The following KCNMB4 variants were observed in gnomAD, a reference collection of about 807,000 sequenced individuals.
KCNMB4 encodes potassium calcium-activated channel subfamily M regulatory beta subunit 4.
A neutral mutation model predicts 20.7 loss-of-function variants in KCNMB4; 3 were observed. The observed-to-expected ratio is 0.14, with a 90% CI of 0.07 to 0.37. The LOEUF (loss-of-function observed/expected upper bound fraction) is 0.37, where lower values mean the gene tolerates loss of function less well. KCNMB4 is among the 10% of genes least tolerant of loss of function. The pLI is 1.00. For synonymous variants in KCNMB4, 110 were observed against 113.4 expected, an observed-to-expected ratio of 0.97 and a Z score of 0.19; for missense variants, 168 against 265.9, an observed-to-expected ratio of 0.63 and a Z score of 2.56.
chr12:70,430,683 A>G lies in KCNMB4; in HGVS notation c.*30A>G. On this transcript the variant is annotated 3_prime_UTR_variant, in exon 3 of 3. Transcript: ENST00000258111. ...GAAGGAGGCTTGTAGAAAGCAAAGT[A>G]CAGAAGCTGTACTCATCGGCACGCG... 1 of 1,587,168 alleles carries G rather than the reference A, an allele frequency of 6.3e-7. No individual in the cohort carries two copies. Among genetic ancestry groups the G allele is most frequent in the South Asian group, 1.2e-5 (1 of 86,198 alleles).
At chr12:70,430,038 C>CT (rs66539156) in intron 2 of KCNMB4, among the ~76,000 whole-genome samples, 52,028 of 146,966 alleles carry the variant, frequency 0.35, 9,311 homozygotes, top group East Asian at 0.54. Flanking sequence ...TTTAACTGAC[C>CT]TTTTTTTTTT....
Position 70,367,010 on chromosome 12 carries a change from T to A in KCNMB4, c.276T>A (p.Ser92=). 6.3e-7 allele frequency: 1 copy of A among 1,592,800 alleles called. No individual in the cohort carries two copies. The change falls in exon 1 of 3, where the codon TCT becomes TCA. Residue 92 remains serine, a synonymous_variant. Transcript: ENST00000258111. ...GCGTCCAGGTCTACGTGAACAACTC[T>A]GAGTCCAACTCTAGGGCGCTGCTGC... ...YPCVQVYVNN[S]ESNSRALLHS...
intron 2 of KCNMB4, among the ~76,000 whole-genome samples, chr12:70,416,935 G>A (rs1018425852): frequency 6.6e-6 from 1 of 152,134 alleles, no homozygotes; most frequent in African/African-American, 2.4e-5. Context: ...GTTAACAATT[G>A]GGAATCTTCT....
chr12:70,380,433 A>G (rs1405591337), intron 1 of KCNMB4, among the ~76,000 whole-genome samples: 1 of 152,202 alleles, frequency 6.6e-6, no homozygotes. Context: ...GCACAGAGAC[A>G]TGAAGTAAGT....
In KCNMB4 at chr12:70,400,350, T is replaced by C. The variant is rs201337243; in HGVS notation, c.464+14T>C. 5.0e-6 allele frequency: 8 copies of C among 1,600,696 alleles called. No individual in the cohort carries two copies. The highest frequency in any genetic ancestry group is 6.8e-6 in the Non-Finnish European group (8 of 1,175,370). On this transcript the variant is annotated intron_variant, in intron 2 of 2. Transcript: ENST00000258111. The stretch of plus-strand genomic sequence containing the variant: ...TCAACATCAAAGGTAAGTCAATATT[T>C]GCATGTGCGTGTTAAAATTGTTTGT...
intron 2 of KCNMB4, among the ~76,000 whole-genome samples, chr12:70,403,387 C>A (rs1437129825): frequency 6.6e-6 from 1 of 152,122 alleles, no homozygotes; most frequent in Non-Finnish European, 1.5e-5. Flanking sequence ...GGCTGGAGTG[C>A]AGTGGCACGA....
At chr12:70,428,678 G>C (rs561254053) in intron 2 of KCNMB4, among the ~76,000 whole-genome samples, 20 of 152,234 alleles carry the variant, frequency 1.3e-4, no homozygotes, top group African/African-American at 4.8e-4. Context: ...GGATAATAAG[G>C]CTGCAACAGA....
intron 1 of KCNMB4, among the ~76,000 whole-genome samples, chr12:70,370,805 C>A (rs1242473524): frequency 6.6e-6 from 1 of 150,508 alleles, no homozygotes; most frequent in East Asian, 1.9e-4. Flanking sequence ...TAAAACTGCC[C>A]TCTTGTATGT....
rs1469502977 is a variant in KCNMB4 at position 70,430,454 on chromosome 12, C to T, written c.465-31C>T. The T allele has an allele frequency of 1.3e-5, 21 of 1,609,788 alleles. No homozygotes were observed. In the East Asian group the frequency reaches 1.3e-4, roughly 10 times the overall value. The stretch of plus-strand genomic sequence containing the variant: ...TTTCAGTGCCAAGGCATTTGACTGC[C>T]CTTTCTTTCTTATTCTCCATTGTCT... On this transcript the variant is annotated intron_variant, in intron 2 of 2. Transcript: ENST00000258111.
chr12:70,399,024 C>T (rs1868389241), intron 1 of KCNMB4, among the ~76,000 whole-genome samples: 1 of 152,142 alleles, frequency 6.6e-6, no homozygotes, highest in Non-Finnish European at 1.5e-5. Flanking sequence ...ACAGCCTGTG[C>T]CAAGCAAGTA....
chr12:70,422,847 A>T, intron 2 of KCNMB4: 1 of 1,226,434 alleles, frequency 8.2e-7, no homozygotes, highest in Non-Finnish European at 1.0e-6. Context: ...ATTACCACAC[A>T]GTGTGAGTAA....
rs1341063142 is a variant in KCNMB4 at position 70,371,093 on chromosome 12, G to A, written c.336+4023G>A. On this transcript the variant is annotated intron_variant, in intron 1 of 2. Coordinates refer to ENST00000258111, the MANE Select transcript of KCNMB4 (RefSeq NM_014505.6). ...GCGGGTCTCCAACTCCTGGCCTCAA[G>A]TGATCCCCCTGCCTCAGCCTCCCAA... is the stretch of plus-strand genomic sequence containing the variant. 2.0e-5 allele frequency among the ~76,000 whole-genome samples: 3 copies of A among 152,144 alleles called. No individual in the cohort carries two copies. The East Asian group carries it at 5.8e-4, about 29-fold the overall frequency.
chr12:70,426,611 T>C (rs1299976649), intron 2 of KCNMB4, among the ~76,000 whole-genome samples: 3 of 152,228 alleles, frequency 2.0e-5, no homozygotes, highest in Non-Finnish European at 4.4e-5. Flanking sequence ...AATAGTACAA[T>C]TTAAAAAATC....
rs568074561 is a variant in KCNMB4 at position 70,370,578 on chromosome 12, GA to G, written c.336+3509del. On this transcript the variant is annotated intron_variant, in intron 1 of 2. Transcript: ENST00000258111. Reference sequence around the variant, plus strand: ...CTGCCTTGGCCTCCCAAAGGGCTGGGATTACAGGCATGAGCCACCGCGCCCG... The same window carrying G: ...CTGCCTTGGCCTCCCAAAGGGCTGGGTTACAGGCATGAGCCACCGCGCCCG... 2.1e-3 allele frequency among the ~76,000 whole-genome samples: 325 copies of G among 152,142 alleles called. 1 individual carries two copies. Among genetic ancestry groups the G allele is most frequent in the Middle Eastern group, 6.8e-3 (2 of 294 alleles).
intron 1 of KCNMB4, among the ~76,000 whole-genome samples, chr12:70,370,996 A>T (rs1428605849): frequency 6.6e-6 from 1 of 152,062 alleles, no homozygotes; most frequent in Non-Finnish European, 1.5e-5. Flanking sequence ...AGCTGGGCTT[A>T]CGGGCATGTG....
intron 1 of KCNMB4, among the ~76,000 whole-genome samples, chr12:70,371,813 T>G (rs1883601689): frequency 6.6e-6 from 1 of 152,154 alleles, no homozygotes; most frequent in South Asian, 2.1e-4. Flanking sequence ...AGAATATAGG[T>G]CAAAACAAAG....
chr12:70,371,106 C>T (rs954979702), intron 1 of KCNMB4, among the ~76,000 whole-genome samples: 2 of 152,220 alleles, frequency 1.3e-5, no homozygotes, highest in Non-Finnish European at 2.9e-5. Flanking sequence ...ATCCCCCTGC[C>T]TCAGCCTCCC....
intron 2 of KCNMB4, among the ~76,000 whole-genome samples, chr12:70,412,704 T>C (rs1868814002): frequency 6.6e-6 from 1 of 152,238 alleles, no homozygotes. Flanking sequence ...GCAGACCTCT[T>C]AGTATACAAA....
chr12:70,403,522 C>T lies in KCNMB4; in HGVS notation c.464+3186C>T, dbSNP rs562183812. Among the ~76,000 whole-genome samples, 5 of 152,162 alleles carry T rather than the reference C, an allele frequency of 3.3e-5. No individual in the cohort carries two copies. The South Asian group carries it at 8.3e-4, about 25-fold the overall frequency. The stretch of plus-strand genomic sequence containing the variant: ...TAATTTTTGTATTATTTAGTAGAAA[C>T]GGGGTTTCACCATGTTAGCCAGGCT... On this transcript the variant is annotated intron_variant, in intron 2 of 2. Transcript: ENST00000258111.
Sources: allele counts gnomAD v4.1 joint callset (sites outside exome capture counted in the v4.1 genomes callset), GRCh38; gene constraint gnomAD v4.1.1; transcripts MANE v1.5; gene names NCBI Gene and HGNC (gene_info 2026-07-23, HGNC 2026-07-21).